Variants in PALM3 observed in about 807,000 individuals in gnomAD.
PALM3 encodes the protein paralemmin-3.
A neutral mutation model predicts 27.9 loss-of-function variants in PALM3; 20 were observed. The observed-to-expected ratio is 0.72, with a 90% confidence interval of 0.50 to 1.04. The LOEUF (loss-of-function observed/expected upper bound fraction) is 1.04, where lower values mean the gene tolerates loss of function less well. Among genes scored for constraint, PALM3 ranks in the 50% least tolerant of loss-of-function variants. The pLI is 0.00. For synonymous variants in PALM3, 328 were observed against 352.7 expected (o/e 0.93, Z 0.79); for missense variants, 814 against 869.4 (o/e 0.94, Z 0.80).
chr19:14,054,158 T>C lies in PALM3; in HGVS notation c.1514A>G (p.Lys505Arg), dbSNP rs1976246911. 1 of 1,551,718 alleles carries C rather than the reference T, an allele frequency of 6.4e-7. No individual in the cohort carries two copies. The highest frequency in any genetic ancestry group is 1.4e-5 in the African/African-American group (1 of 72,976). The stretch of plus-strand genomic sequence containing the variant: ...CTCTGGCTCTTCCTCACCTCCTTTC[T>C]TCTCTACTCCCAATGGTTCTTCTAC... The part of the protein sequence containing the change: ...EEVEEPLGVE[K>R]KGGEEEPEAT... Residue 505 changes from lysine (K) to arginine (R), a missense_variant, in exon 7 of 7, where the codon AAG (lysine) becomes AGG (arginine). Physicochemically the swap from Lys to Arg is conservative, Grantham distance 26. Coordinates refer to ENST00000669674, the MANE Select transcript of PALM3 (RefSeq NM_001145028.2).
rs1379311024 is a variant in PALM3, at chr19:14,054,928, T to C, written c.744A>G (p.Thr248=). 6.5e-7 allele frequency: 1 copy of C among 1,549,424 alleles called. No individual in the cohort carries two copies. Among genetic ancestry groups the C allele is most frequent in the Admixed American group, 2.0e-5 (1 of 50,984 alleles). ...EGLRATEDCA[T]GATGPELEAK... is the part of the protein sequence containing the mutation. Reference sequence around the variant, plus strand: ...CCTCCAGCTCGGGGCCCGTGGCCCCTGTGGCACAGTCCTCTGTGGCCCTCA... The same window carrying C: ...CCTCCAGCTCGGGGCCCGTGGCCCCCGTGGCACAGTCCTCTGTGGCCCTCA... Residue 248 remains threonine (T), a synonymous_variant, in exon 7 of 7, where the codon ACA becomes ACG. Coordinates refer to ENST00000669674, the MANE Select transcript of PALM3 (RefSeq NM_001145028.2).
intron 3 of PALM3, 154 bp from the exon 4 acceptor site, chr19:14,056,958 C>T (rs1197866983): frequency 3.9e-6 from 3 of 766,348 alleles, no homozygotes; most frequent in Admixed American, 6.0e-5. Context: ...CACAGTGCCC[C>T]CCAACGCTGC....
rs1344792486 is a variant in PALM3, at chr19:14,053,664, C to T, written c.2008G>A (p.Glu670Lys). 2.1e-5 allele frequency: 31 copies of T among 1,472,932 alleles called. No homozygotes were observed. The highest frequency in any genetic ancestry group is 9.9e-5 in the East Asian group (4 of 40,468). 91.2% of individuals were successfully genotyped at this position (1,472,932 alleles called of 1,614,324 possible). A position where few individuals can be genotyped will look rare whatever the true frequency, so the allele number is the denominator to read the frequency against. Residue 670 changes from glutamate to lysine, a missense_variant, in exon 7 of 7, where the codon GAG becomes AAG. Transcript: ENST00000669674. ...ARQPEPSAPT[E>K]GEEASGPKQK... is the part of the protein sequence containing the mutation. ...TTAGGGCCACTTGCCTCTTCACCCT[C>T]GGTGGGGGCAGATGGCTCAGGCTGC...
chr19:14,055,702 A>G (rs1976292397), intron 5 of PALM3, among the ~76,000 whole-genome samples: 1 of 152,176 alleles, frequency 6.6e-6, no homozygotes, highest in South Asian at 2.1e-4. Flanking sequence ...TGCACAAGGG[A>G]CACTTAAGCC....
rs1976307541 is a variant in PALM3 at position 14,056,529 on chromosome 19, G to A, written c.315-16C>T. 1 of 1,549,924 alleles carries A rather than the reference G, an allele frequency of 6.5e-7. No homozygotes were observed. Among genetic ancestry groups the A allele is most frequent in the South Asian group, 1.2e-5 (1 of 83,944 alleles). On this transcript the variant is annotated splice_polypyrimidine_tract_variant and intron_variant, in intron 4 of 6. Coordinates refer to ENST00000669674, the MANE Select transcript of PALM3 (RefSeq NM_001145028.2). ...GGACTGGAGTCTGAAGAAGAGAGAG[G>A]GCTGCTAGGAGCTGGGCCCCCAGGC...
Position 14,054,129 on chromosome 19 carries a change from T to C in PALM3, c.1543A>G (p.Thr515Ala), listed in dbSNP as rs1226117832. Residue 515 changes from threonine to alanine, a missense_variant, in exon 7 of 7, where the codon ACC becomes GCC. Transcript: ENST00000669674. ...CTCTCTGCCTCCAGTGGTTCTTTGGTTGCCTCTGGCTCTTCCTCACCTCCT... is the reference window on the plus strand; with the variant it reads ...CTCTCTGCCTCCAGTGGTTCTTTGGCTGCCTCTGGCTCTTCCTCACCTCCT... Reference protein sequence around the residue: ...KKGGEEEPEATKEPLEAERKG... With the variant: ...KKGGEEEPEAAKEPLEAERKG... 6.4e-7 allele frequency: 1 copy of C among 1,551,752 alleles called. No individual in the cohort carries two copies. Among genetic ancestry groups the C allele is most frequent in the East Asian group, 2.4e-5 (1 of 40,914 alleles).
chr19:14,056,095 G>C (rs929660640), intron 5 of PALM3, among the ~76,000 whole-genome samples: 7 of 152,216 alleles, frequency 4.6e-5, no homozygotes, highest in African/African-American at 1.4e-4. Context: ...TTTTAGTAGA[G>C]ATGGGGTTTC....
chr19:14,056,412 CCT>C lies in PALM3; in HGVS notation c.399+15_399+16del, dbSNP rs779971355. The stretch of plus-strand genomic sequence containing the variant: ...TGGCCATGCCCTCCCATCCCACTCC[CCT>C]GATTCCCCCCTCACCTGTCTGCGCC... On this transcript the variant is annotated intron_variant, in intron 5 of 6. Coordinates refer to ENST00000669674, the MANE Select transcript of PALM3 (RefSeq NM_001145028.2). The C allele has an allele frequency of 1.8e-5, 28 of 1,542,968 alleles. No homozygotes were observed. The highest frequency in any genetic ancestry group is 7.3e-5 in the East Asian group (3 of 40,904).
chr19:14,059,803 C>A (rs989397223), intron 1 of PALM3, among the ~76,000 whole-genome samples: 5 of 152,134 alleles, frequency 3.3e-5, no homozygotes, highest in East Asian at 3.9e-4. Flanking sequence ...TGCTAACCCC[C>A]CTCCCTGGGG....
chr19:14,057,494 C>T (rs993328601), intron 2 of PALM3, 63 bp from the exon 3 acceptor site: 4 of 1,314,258 alleles, frequency 3.0e-6, no homozygotes, highest in Non-Finnish European at 4.1e-6. Context: ...CTCCTCTTCC[C>T]TCCCTTTCCC....
rs1483648426 is a variant in PALM3 at position 14,054,976 on chromosome 19, C to G, written c.696G>C (p.Val232=). The G allele has an allele frequency of 5.2e-6, 8 of 1,549,366 alleles. No homozygotes were observed. Among genetic ancestry groups the G allele is most frequent in the Non-Finnish European group, 7.0e-6 (8 of 1,146,148 alleles). The part of the protein sequence containing the change: ...GRVGEAKGGG[V]VSVVWEGLRA... The stretch of plus-strand genomic sequence containing the variant: ...TCAGCCCTTCCCACACCACACTCAC[C>G]ACGCCCCCTCCTTTGGCCTCACCCA... Residue 232 remains valine (V), a synonymous_variant, in exon 7 of 7, where the codon GTG becomes GTC. Transcript: ENST00000669674.
Position 14,054,363 on chromosome 19 carries a change from C to T in PALM3, c.1309G>A (p.Val437Met). ...TTCTCTCCTCCTTTCCTCTCTACCACTGGTGACATCTCCGCTTCATCCCTC... is the reference window on the plus strand; with the variant it reads ...TTCTCTCCTCCTTTCCTCTCTACCATTGGTGACATCTCCGCTTCATCCCTC... ...TGRDEAEMSP[V>M]VERKGGEKKL... Residue 437 changes from valine (V) to methionine (M), a missense_variant, in exon 7 of 7, where the codon GTG becomes ATG. Val to Met is a conservative substitution (Grantham distance 21, BLOSUM62 1). Transcript: ENST00000669674. 1 of 1,552,214 alleles carries T rather than the reference C, an allele frequency of 6.4e-7. No homozygotes were observed. The highest frequency in any genetic ancestry group is 8.7e-7 in the Non-Finnish European group (1 of 1,147,108).
chr19:14,057,384 C>CA lies in PALM3; in HGVS notation c.137dup (p.Glu47GlyfsTer106). 1 of 1,545,422 alleles carries CA rather than the reference C, an allele frequency of 6.5e-7. No individual in the cohort carries two copies. Among genetic ancestry groups the CA allele is most frequent in the Non-Finnish European group, 8.7e-7 (1 of 1,145,502 alleles). ...GCTCCACGCGGAGTTTCTCCTCCTC[C>CA]ACCTCCCGGCGCGCGGCGCGGATCT... is the stretch of plus-strand genomic sequence containing the variant. On this transcript the variant is annotated frameshift_variant, in exon 3 of 7. Transcript: ENST00000669674. LOFTEE classifies it high-confidence loss of function.
rs1246721479 is a variant in PALM3 at position 14,062,067 on chromosome 19, T to C, written c.-87A>G. On this transcript the variant is annotated 5_prime_UTR_variant, in exon 1 of 7. Coordinates refer to ENST00000669674, the MANE Select transcript of PALM3 (RefSeq NM_001145028.2). Reference sequence around the variant, plus strand: ...GGTGCCCCGGAGGCTGTGACTTGGCTGCCTGGAGTGGGGGGGGGCTGCGGG... The same window carrying C: ...GGTGCCCCGGAGGCTGTGACTTGGCCGCCTGGAGTGGGGGGGGGCTGCGGG... 6 of 857,478 alleles carry C rather than the reference T, an allele frequency of 7.0e-6. No individual in the cohort carries two copies. Among genetic ancestry groups the C allele is most frequent in the Non-Finnish European group, 5.6e-6 (4 of 712,796 alleles). 53.1% of individuals were successfully genotyped at this position (857,478 alleles called of 1,614,324 possible).
intron 1 of PALM3, 96 bp downstream of exon 1, chr19:14,061,844 C>T (rs1976418882): frequency 2.5e-6 from 2 of 799,178 alleles, no homozygotes; most frequent in South Asian, 5.6e-5. Context: ...TTAGGAGAGA[C>T]CACTGGAGCT....
At chr19:14,061,551 T>C (rs745928018) in intron 1 of PALM3, among the ~76,000 whole-genome samples, 8 of 152,154 alleles carry the variant, frequency 5.3e-5, no homozygotes, top group Non-Finnish European at 8.8e-5. Flanking sequence ...CTGGGAGCTT[T>C]TAACTTCTGT....
At chr19:14,060,876 T>A (rs558369614) in intron 1 of PALM3, among the ~76,000 whole-genome samples, 2 of 152,298 alleles carry the variant, frequency 1.3e-5, no homozygotes, top group Admixed American at 6.5e-5. Flanking sequence ...TTCTCCTGCC[T>A]CAGCCTCCTG....
chr19:14,060,897 A>C (rs899604113), intron 1 of PALM3, among the ~76,000 whole-genome samples: 1 of 152,108 alleles, frequency 6.6e-6, no homozygotes, highest in Admixed American at 6.6e-5. Context: ...AGTAGCTGAG[A>C]TTACAGGCGT....
At position 14,054,106 on chromosome 19, in the gene PALM3, C is replaced by T; in HGVS notation, c.1566G>A (p.Glu522=). The change falls in exon 7 of 7, where the codon GAG becomes GAA. Residue 522 remains glutamate, a synonymous_variant. Coordinates refer to ENST00000669674, the MANE Select transcript of PALM3 (RefSeq NM_001145028.2). The part of the protein sequence containing the change: ...PEATKEPLEA[E]RKGGEETLEA... ...CCAGTGTCTCCTCCCCTCCCTTTCTCTCTGCCTCCAGTGGTTCTTTGGTTG... is the reference window on the plus strand; with the variant it reads ...CCAGTGTCTCCTCCCCTCCCTTTCTTTCTGCCTCCAGTGGTTCTTTGGTTG... 1 of 1,551,854 alleles carries T rather than the reference C, an allele frequency of 6.4e-7. No homozygotes were observed. The highest frequency in any genetic ancestry group is 1.2e-5 in the South Asian group (1 of 84,062).
Sources: gnomAD v4.1 joint callset for allele counts (sites outside exome capture counted in the v4.1 genomes callset) on GRCh38, gnomAD v4.1.1 for gene constraint, MANE v1.5 for transcripts, NCBI Gene and HGNC (gene_info 2026-07-23, HGNC 2026-07-21) for gene names.